Variants in MME observed in about 807,000 individuals in gnomAD.
The protein encoded by MME is membrane metalloendopeptidase, also known as neprilysin.
In MME, 98 loss-of-function variants were observed where a neutral mutation model predicts 113.2. The observed-to-expected ratio is 0.87, with a 90% CI of 0.74 to 1.02. MME has a LOEUF of 1.02. Ranked by LOEUF, MME falls within the 50% of genes least tolerant of loss-of-function variation. The pLI, the probability that MME is intolerant of heterozygous loss-of-function variation, is 0.00. For missense variants in MME, 836 were observed against 896.0 expected (o/e 0.93, Z 0.86); for synonymous variants, 292 against 300.6 (o/e 0.97, Z 0.30).
intron 16 of MME, among the ~76,000 whole-genome samples, chr3:155,151,270 A>G (rs1404579832): frequency 6.6e-6 from 1 of 152,200 alleles, no homozygotes; most frequent in African/African-American, 2.4e-5. Context: ...TGAAAGAGAA[A>G]TATGTGTGCA....
At chr3:155,088,177 A>G (rs1171113092) in intron 3 of MME, among the ~76,000 whole-genome samples, 2 of 151,474 alleles carry the variant, frequency 1.3e-5, no homozygotes, top group African/African-American at 2.4e-5. Flanking sequence ...TCATGGATAC[A>G]CTCTGCATAC....
chr3:155,124,727 G>A (rs1458501984), intron 8 of MME, among the ~76,000 whole-genome samples: 1 of 151,724 alleles, frequency 6.6e-6, no homozygotes, highest in Non-Finnish European at 1.5e-5. Context: ...CAGTTAGGCT[G>A]CTCGGGGGTC....
intron 1 of MME, among the ~76,000 whole-genome samples, chr3:155,082,994 C>T (rs1715290422): frequency 6.6e-6 from 1 of 152,174 alleles, no homozygotes; most frequent in African/African-American, 2.4e-5. Context: ...CTATAAACAG[C>T]TAATCTGCTA....
intron 22 of MME, among the ~76,000 whole-genome samples, chr3:155,176,597 G>A (rs1300589215): frequency 2.0e-5 from 3 of 152,234 alleles, no homozygotes; most frequent in Non-Finnish European, 4.4e-5. Flanking sequence ...AGGCCAAGGA[G>A]GGAGGATCAC....
intron 9 of MME, among the ~76,000 whole-genome samples, chr3:155,139,666 T>C (rs1335428896): frequency 6.6e-6 from 1 of 152,202 alleles, no homozygotes; most frequent in Admixed American, 6.5e-5. Flanking sequence ...GATGTTGCCA[T>C]TCTCAGATAA....
chr3:155,101,186 C>G (rs1171807561), intron 3 of MME, among the ~76,000 whole-genome samples: 1 of 152,164 alleles, frequency 6.6e-6, no homozygotes, highest in East Asian at 1.9e-4. Flanking sequence ...AAAGCAGATG[C>G]TGGTGTTATG....
intron 1 of MME, among the ~76,000 whole-genome samples, chr3:155,074,291 C>G (rs924371671): frequency 1.3e-5 from 2 of 152,116 alleles, no homozygotes; most frequent in African/African-American, 4.8e-5. Flanking sequence ...TTTAAGGCTA[C>G]AAATTTTCTG....
rs1017888816 is a variant in MME at position 155,115,212 on chromosome 3, T to A, written c.358+57T>A. The A allele has an allele frequency of 4.4e-6, 7 of 1,580,802 alleles. No individual in the cohort carries two copies. The African/African-American group carries it at 5.4e-5, about 12-fold the overall frequency. On this transcript the variant is annotated intron_variant, in intron 4 of 22. Transcript: ENST00000360490. ...TTTCTCTCTTAATATGTTCATTTTTTAAATATACAATTGTTAGCCATTACA... is the reference window on the plus strand; with the variant it reads ...TTTCTCTCTTAATATGTTCATTTTTAAAATATACAATTGTTAGCCATTACA...
At chr3:155,135,079 T>C (rs1261644981) in intron 8 of MME, among the ~76,000 whole-genome samples, 1 of 152,210 alleles carries the variant, frequency 6.6e-6, no homozygotes, top group Non-Finnish European at 1.5e-5. Flanking sequence ...TCTCCCATTC[T>C]GTAGGTTGTC....
intron 2 of MME, 130 bp from the exon 3 acceptor site, chr3:155,084,929 A>T: frequency 1.7e-6 from 1 of 599,014 alleles, no homozygotes; most frequent in Non-Finnish European, 3.0e-6. Context: ...AATGATATAT[A>T]ATGTTCAGTT....
chr3:155,025,020 C>G (rs935881518), intron 1 of MME, among the ~76,000 whole-genome samples: 13 of 152,204 alleles, frequency 8.5e-5, no homozygotes, highest in Non-Finnish European at 2.9e-5. Flanking sequence ...AACTTAATAG[C>G]TGTCTCCAAA....
chr3:155,045,562 T>C (rs1272584828), intron 1 of MME, among the ~76,000 whole-genome samples: 1 of 151,644 alleles, frequency 6.6e-6, no homozygotes, highest in Non-Finnish European at 1.5e-5. Context: ...AGATTCACTC[T>C]GTCACCCAGG....
intron 3 of MME, among the ~76,000 whole-genome samples, chr3:155,111,381 C>T (rs1338936930): frequency 3.3e-5 from 5 of 152,240 alleles, no homozygotes; most frequent in South Asian, 2.1e-4. Flanking sequence ...CAGACAAGCT[C>T]GGTGGTCAAA....
chr3:155,042,037 G>T (rs1319248762), intron 1 of MME, among the ~76,000 whole-genome samples: 1 of 152,090 alleles, frequency 6.6e-6, no homozygotes, highest in African/African-American at 2.4e-5. Context: ...AGCCTTTAAA[G>T]ATTATTTTAA....
intron 17 of MME, among the ~76,000 whole-genome samples, chr3:155,161,351 G>A (rs927306786): frequency 8.6e-5 from 13 of 151,974 alleles, no homozygotes; most frequent in Non-Finnish European, 1.5e-4. Flanking sequence ...ATTTCTAAAC[G>A]TGGTCTAGAA....
intron 1 of MME, among the ~76,000 whole-genome samples, chr3:155,032,817 T>A (rs1386794324): frequency 6.6e-6 from 1 of 152,140 alleles, no homozygotes; most frequent in African/African-American, 2.4e-5. Context: ...AAAAAGAGAT[T>A]ACAAAAAATG....
chr3:155,153,466 A>G (rs945040981), intron 16 of MME, among the ~76,000 whole-genome samples: 9 of 152,200 alleles, frequency 5.9e-5, no homozygotes, highest in African/African-American at 1.9e-4. Flanking sequence ...CCCTTTGGTT[A>G]CTTAACAATA....
chr3:155,176,765 G>A (rs1047524471), intron 22 of MME, among the ~76,000 whole-genome samples: 6 of 152,150 alleles, frequency 3.9e-5, no homozygotes, highest in Non-Finnish European at 8.8e-5. Context: ...GGTCAAGGCT[G>A]CAGTGAGCTG....
intron 3 of MME, among the ~76,000 whole-genome samples, chr3:155,105,402 A>C (rs1451450801): frequency 6.6e-6 from 1 of 152,226 alleles, no homozygotes. Flanking sequence ...TTAAGGCAGA[A>C]TGATACTGTG....
Sources: gnomAD v4.1 joint callset for allele counts (sites outside exome capture counted in the v4.1 genomes callset) on GRCh38, gnomAD v4.1.1 for gene constraint, MANE v1.5 for transcripts, NCBI Gene and HGNC (gene_info 2026-07-23, HGNC 2026-07-21) for gene names.